The following NME7 variants were observed in gnomAD, a reference collection of about 807,000 sequenced individuals.
NME7 encodes NME/NM23 family member 7.
Under a neutral mutation model 49.1 loss-of-function variants are expected in NME7, and 41 were observed. That is an observed-to-expected ratio of 0.83 (90% confidence interval 0.65 to 1.08). NME7 has a LOEUF of 1.08. Ranked by LOEUF, NME7 falls within the 50% of genes least tolerant of loss-of-function variation. The pLI is 0.00. For synonymous variants in NME7, 139 were observed against 150.6 expected (o/e 0.92, Z 0.56); for missense variants, 423 against 463.4 (o/e 0.91, Z 0.80).
chr1:169,289,228 C>T (rs1650399999), intron 6 of NME7, among the ~76,000 whole-genome samples: 1 of 152,122 alleles, frequency 6.6e-6, no homozygotes, highest in Admixed American at 6.6e-5. Context: ...GCTTTCATTA[C>T]TTGCCTTTCT....
At chr1:169,312,723 T>C (rs1408596705) in intron 3 of NME7, among the ~76,000 whole-genome samples, 2 of 152,338 alleles carry the variant, frequency 1.3e-5, no homozygotes. Context: ...CTGATTGCAG[T>C]ACAATAAATG....
At chr1:169,245,326 T>C (rs972329247) in intron 7 of NME7, among the ~76,000 whole-genome samples, 187 of 152,228 alleles carry the variant, frequency 1.2e-3, no homozygotes, top group African/African-American at 4.3e-3. Flanking sequence ...CTCACGAGCA[T>C]GAGAGCCCAT....
At chr1:169,345,855 C>T (rs1265358134) in intron 1 of NME7, among the ~76,000 whole-genome samples, 2 of 152,108 alleles carry the variant, frequency 1.3e-5, no homozygotes, top group Non-Finnish European at 2.9e-5. Context: ...AAATCCTGCT[C>T]CCAGCCCCCT....
chr1:169,154,945 AAT>A (rs879765059), intron 11 of NME7, among the ~76,000 whole-genome samples: 9 of 152,166 alleles, frequency 5.9e-5, no homozygotes, highest in Non-Finnish European at 7.4e-5. Context: ...TTATTTTTAA[AAT>A]ATGTTTTTAA....
At chr1:169,266,730 G>T in intron 7 of NME7, among the ~76,000 whole-genome samples, 1 of 133,462 alleles carries the variant, frequency 7.5e-6, no homozygotes, top group South Asian at 2.3e-4. Context: ...AGCTTCTTGA[G>T]ATGACAAGCA....
At position 169,298,614 on chromosome 1, in the gene NME7, C is replaced by T; in HGVS notation, c.590G>A (p.Gly197Glu). Residue 197 changes from glycine to glutamate, a missense_variant, in exon 6 of 12, where the codon GGA (glycine) becomes GAA (glutamate). Gly to Glu is a moderately conservative substitution (Grantham distance 98). Transcript: ENST00000367811. ...DASESIRALF[G>E]TDGIRNAAHG... ...CGCTGCATTTCTTATGCCATCTGTTCCAAAGAGGGCTCTAATGCTTTCAGA... is the reference window on the plus strand; with the variant it reads ...CGCTGCATTTCTTATGCCATCTGTTTCAAAGAGGGCTCTAATGCTTTCAGA... The T allele has an allele frequency of 2.5e-6, 4 of 1,613,960 alleles. No homozygotes were observed. The highest frequency in any genetic ancestry group is 3.4e-6 in the Non-Finnish European group (4 of 1,179,906).
intron 9 of NME7, among the ~76,000 whole-genome samples, chr1:169,232,913 T>C (rs1479011295): frequency 3.3e-5 from 1 of 30,580 alleles, no homozygotes; most frequent in African/African-American, 1.0e-4. Context: ...TTTTCTTTTC[T>C]TTTTTTTTTT....
At chr1:169,168,766 C>T in intron 11 of NME7, 1 of 422,574 alleles carries the variant, frequency 2.4e-6, no homozygotes, top group Non-Finnish European at 4.6e-6. Context: ...TCGATTAACA[C>T]ATAAATAGAC....
chr1:169,132,590 CTGGTGTTAA>C lies in NME7; in HGVS notation c.*186_*194del. 1 of 509,618 alleles carries C rather than the reference CTGGTGTTAA, an allele frequency of 2.0e-6. No individual in the cohort carries two copies. Among genetic ancestry groups the C allele is most frequent in the South Asian group, 3.6e-5 (1 of 28,008 alleles). 31.6% of individuals were successfully genotyped at this position (509,618 alleles called of 1,614,324 possible). A position where few individuals can be genotyped will look rare whatever the true frequency, so the allele number is the denominator to read the frequency against. On this transcript the variant is annotated 3_prime_UTR_variant, in exon 12 of 12. Coordinates refer to ENST00000367811, the MANE Select transcript of NME7 (RefSeq NM_013330.5). ...AAAAAGCAATGCAGTACCCCATAGACTGGTGTTAAATGTTGTCTACAGTGCAAAATCCAT... is the reference window on the plus strand; with the variant it reads ...AAAAAGCAATGCAGTACCCCATAGACATGTTGTCTACAGTGCAAAATCCAT...
At chr1:169,204,631 C>G (rs1660628039) in intron 10 of NME7, among the ~76,000 whole-genome samples, 1 of 152,124 alleles carries the variant, frequency 6.6e-6, no homozygotes, top group South Asian at 2.1e-4. Context: ...TACGCACTTA[C>G]TCCAGAGATG....
intron 7 of NME7, among the ~76,000 whole-genome samples, chr1:169,239,891 G>C (rs12120344): frequency 3.2e-4 from 48 of 152,168 alleles, no homozygotes; most frequent in Non-Finnish European, 5.4e-4. Context: ...GAAGAGAAGG[G>C]AGCAGAGGTG....
intron 5 of NME7, among the ~76,000 whole-genome samples, chr1:169,299,461 A>G (rs1650846707): frequency 6.6e-6 from 1 of 152,180 alleles, no homozygotes; most frequent in African/African-American, 2.4e-5. Context: ...ATATGTGTAC[A>G]GGATGCAATG....
chr1:169,141,978 C>T (rs1477409525), intron 11 of NME7, among the ~76,000 whole-genome samples: 2 of 152,124 alleles, frequency 1.3e-5, no homozygotes, highest in African/African-American at 4.8e-5. Flanking sequence ...TGTGAAATGT[C>T]ATTATTTCTA....
intron 7 of NME7, 83 bp downstream of exon 7, chr1:169,287,220 T>C: frequency 8.7e-7 from 1 of 1,148,898 alleles, no homozygotes; most frequent in Non-Finnish European, 1.3e-6. Flanking sequence ...GTATACTTTA[T>C]TTTCTATACA....
chr1:169,330,033 A>G (rs1376544479), intron 1 of NME7, among the ~76,000 whole-genome samples: 3 of 152,184 alleles, frequency 2.0e-5, no homozygotes, highest in Non-Finnish European at 4.4e-5. Flanking sequence ...AGAGAGTGTC[A>G]TTACATATTT....
intron 10 of NME7, among the ~76,000 whole-genome samples, chr1:169,223,143 G>A (rs1051067009): frequency 6.6e-6 from 1 of 152,086 alleles, no homozygotes; most frequent in Non-Finnish European, 1.5e-5. Context: ...GAGGCCATGG[G>A]CATGTCATAT....
Position 169,336,597 on chromosome 1 carries a change from C to T in NME7, c.4-12097G>A, listed in dbSNP as rs565629424. 3.2e-3 allele frequency among the ~76,000 whole-genome samples: 494 copies of T among 152,148 alleles called. 3 individuals carry two copies. The highest frequency in any genetic ancestry group is 0.011 in the African/African-American group (457 of 41,502). On this transcript the variant is annotated intron_variant, in intron 1 of 11. Coordinates refer to ENST00000367811, the MANE Select transcript of NME7 (RefSeq NM_013330.5). ...GATTGGTGCATTCACAAACCTTGAG[C>T]TAAACACAGGGTGCTGATTGGTGTG...
At chr1:169,138,824 C>T (rs61331178) in intron 11 of NME7, among the ~76,000 whole-genome samples, 5,174 of 152,236 alleles carry the variant, frequency 0.034, 281 homozygotes, top group African/African-American at 0.12. Flanking sequence ...CTTTTAAAAG[C>T]TGGAAGGTAA....
At chr1:169,230,243 A>G (rs572592377) in intron 10 of NME7, among the ~76,000 whole-genome samples, 37 of 152,288 alleles carry the variant, frequency 2.4e-4, no homozygotes, top group African/African-American at 8.2e-4. Flanking sequence ...AAGAAAAAGT[A>G]GTTTGCTTTA....
Sources: gnomAD v4.1 joint callset for allele counts (sites outside exome capture counted in the v4.1 genomes callset) on GRCh38, gnomAD v4.1.1 for gene constraint, MANE v1.5 for transcripts, NCBI Gene and HGNC (gene_info 2026-07-23, HGNC 2026-07-21) for gene names.